TSNARE1: variants seen among roughly 807,000 people sequenced by gnomAD.
The protein encoded by TSNARE1 is t-SNARE domain-containing protein 1.
In TSNARE1, 49 loss-of-function variants were observed where a neutral mutation model predicts 62.0. That is an observed-to-expected ratio of 0.79 (90% confidence interval 0.63 to 1.00). TSNARE1 has a LOEUF of 1.00. Ranked by LOEUF, TSNARE1 falls within the 50% of genes least tolerant of loss-of-function variation. The pLI is 0.00. For synonymous variants in TSNARE1, 328 were observed against 294.4 expected (o/e 1.11, Z -1.17); for missense variants, 755 against 700.1 (o/e 1.08, Z -0.88).
At chr8:142,242,079 T>C (rs79865120) in intron 12 of TSNARE1, among the ~76,000 whole-genome samples, 18 of 36,754 alleles carry the variant, frequency 4.9e-4, no homozygotes, top group African/African-American at 3.4e-3. Context: ...CTCCATCTCA[T>C]GCCGTATACA....
intron 1 of TSNARE1, among the ~76,000 whole-genome samples, chr8:142,402,284 G>C (rs1838350912): frequency 6.6e-6 from 1 of 152,198 alleles, no homozygotes; most frequent in East Asian, 1.9e-4. Context: ...CCTGTGATAA[G>C]CAGTGTTCCC....
At chr8:142,238,876 C>T (rs548037464) in intron 12 of TSNARE1, among the ~76,000 whole-genome samples, 79 of 152,132 alleles carry the variant, frequency 5.2e-4, no homozygotes, top group African/African-American at 1.9e-3. Flanking sequence ...CTCCCAACCT[C>T]AGCTCAGGTG....
chr8:142,240,562 A>G (rs1356266783), intron 12 of TSNARE1, among the ~76,000 whole-genome samples: 1 of 152,226 alleles, frequency 6.6e-6, no homozygotes, highest in Non-Finnish European at 1.5e-5. Flanking sequence ...CTCAGGCACA[A>G]ATGGAACATT....
intron 10 of TSNARE1, among the ~76,000 whole-genome samples, chr8:142,286,076 C>T (rs1441741556): frequency 6.6e-6 from 1 of 152,184 alleles, no homozygotes; most frequent in African/African-American, 2.4e-5. Flanking sequence ...TCCCTGACTG[C>T]CACGCTGCAC....
chr8:142,398,985 G>A (rs1178949236), intron 1 of TSNARE1, among the ~76,000 whole-genome samples: 1 of 152,178 alleles, frequency 6.6e-6, no homozygotes, highest in Non-Finnish European at 1.5e-5. Context: ...GCCTGGATAA[G>A]GCCAGGCAGG....
rs572284965 is a variant in TSNARE1, at chr8:142,353,725, C to T, written c.88+912G>A. Among the ~76,000 whole-genome samples the T allele has an allele frequency of 8.0e-5, 12 of 149,848 alleles. No individual in the cohort carries two copies. The East Asian group carries it at 1.8e-3, about 22-fold the overall frequency. Reference sequence around the variant, plus strand: ...ACAGGCCCCCTGGGGACCAGAGCCCCGGCAAGAGCCAAGCAGAGCTGCAAG... The same window carrying T: ...ACAGGCCCCCTGGGGACCAGAGCCCTGGCAAGAGCCAAGCAGAGCTGCAAG... On this transcript the variant is annotated intron_variant, in intron 2 of 13. Transcript: ENST00000524325.
intron 13 of TSNARE1, among the ~76,000 whole-genome samples, chr8:142,224,547 G>A (rs142094187): frequency 2.2e-4 from 33 of 152,312 alleles, no homozygotes; most frequent in Middle Eastern, 3.4e-3. Flanking sequence ...CCTCCTCACC[G>A]TGGAGACTCA....
At chr8:142,226,739 G>A (rs1816792718) in intron 13 of TSNARE1, among the ~76,000 whole-genome samples, 1 of 152,098 alleles carries the variant, frequency 6.6e-6, no homozygotes, top group African/African-American at 2.4e-5. Flanking sequence ...ACAGAGCCTG[G>A]CAAGACCACA....
intron 1 of TSNARE1, among the ~76,000 whole-genome samples, chr8:142,375,623 G>A (rs150291729): frequency 6.6e-6 from 1 of 152,252 alleles, no homozygotes; most frequent in African/African-American, 2.4e-5. Flanking sequence ...TCACCACAGT[G>A]CACACTGCAT....
chr8:142,288,102 C>T (rs753850760), intron 10 of TSNARE1, among the ~76,000 whole-genome samples: 31 of 152,248 alleles, frequency 2.0e-4, no homozygotes, highest in Admixed American at 6.5e-4. Flanking sequence ...AGCATGGCTC[C>T]GAGCCCCTGC....
At chr8:142,398,515 C>T (rs551968092) in intron 1 of TSNARE1, among the ~76,000 whole-genome samples, 70 of 152,228 alleles carry the variant, frequency 4.6e-4, no homozygotes, top group African/African-American at 1.6e-3. Context: ...CTGTAAGGTG[C>T]CCTCTCCACC....
chr8:142,282,015 G>A (rs553080237), intron 11 of TSNARE1, among the ~76,000 whole-genome samples: 10 of 152,330 alleles, frequency 6.6e-5, no homozygotes, highest in African/African-American at 1.7e-4. Context: ...ACAGCCTGGC[G>A]CTAAGGTAGG....
chr8:142,403,142 C>A lies in TSNARE1; in HGVS notation c.-78G>T, dbSNP rs1838429636. On this transcript the variant is annotated 5_prime_UTR_variant, in exon 1 of 14. Transcript: ENST00000524325. ...GCTCGCGGACCGCTCCGGGCGCTCACGGCGGGCGAGGCGGGCGGGGCGGGC... is the reference window on the plus strand; with the variant it reads ...GCTCGCGGACCGCTCCGGGCGCTCAAGGCGGGCGAGGCGGGCGGGGCGGGC... 1 of 148,468 alleles carries A rather than the reference C, an allele frequency of 6.7e-6. No homozygotes were observed. Among genetic ancestry groups the A allele is most frequent in the African/African-American group, 2.4e-5 (1 of 41,146 alleles). 9.2% of individuals were successfully genotyped at this position (148,468 alleles called of 1,614,324 possible). A position where few individuals can be genotyped will look rare whatever the true frequency, so the allele number is the denominator to read the frequency against.
intron 10 of TSNARE1, among the ~76,000 whole-genome samples, chr8:142,292,327 G>A (rs1023668810): frequency 1.2e-4 from 19 of 152,224 alleles, no homozygotes; most frequent in African/African-American, 3.6e-4. Flanking sequence ...GGCGAGGGCC[G>A]GAGAGGAATG....
intron 13 of TSNARE1, among the ~76,000 whole-genome samples, chr8:142,222,963 C>T (rs1304724574): frequency 6.6e-6 from 1 of 151,650 alleles, no homozygotes; most frequent in African/African-American, 2.4e-5. Context: ...CACTCACTCA[C>T]TCATTCACTC....
intron 1 of TSNARE1, among the ~76,000 whole-genome samples, chr8:142,392,955 A>G (rs911655871): frequency 6.6e-6 from 1 of 152,058 alleles, no homozygotes; most frequent in African/African-American, 2.4e-5. Context: ...AAGAAAAAAA[A>G]AAAAAAAGAA....
intron 10 of TSNARE1, among the ~76,000 whole-genome samples, chr8:142,284,759 C>T (rs772799509): frequency 3.2e-4 from 49 of 152,234 alleles, no homozygotes; most frequent in Non-Finnish European, 5.7e-4. Context: ...AAGCCAAACC[C>T]CAACCTCTCC....
chr8:142,392,737 T>C (rs1837620008), intron 1 of TSNARE1, among the ~76,000 whole-genome samples: 1 of 152,062 alleles, frequency 6.6e-6, no homozygotes, highest in South Asian at 2.1e-4. Context: ...GAGTTTGAGT[T>C]TGAGACCACG....
rs549272299 is a variant in TSNARE1 at position 142,269,854 on chromosome 8, T to A, written c.1446+4927A>T. 2.6e-4 allele frequency: 252 copies of A among 985,426 alleles called. 4 individuals are homozygous for A. In the South Asian group the frequency reaches 0.011, roughly 42 times the overall value. 61.0% of individuals were successfully genotyped at this position (985,426 alleles called of 1,614,324 possible). A position where few individuals can be genotyped will look rare whatever the true frequency, so the allele number is the denominator to read the frequency against. On this transcript the variant is annotated intron_variant, in intron 12 of 13. Coordinates refer to ENST00000524325, the MANE Select transcript of TSNARE1 (RefSeq NM_145003.5). ...GGCGTGCGCAGAAGGCAGCTGGACA[T>A]GTGGCTACACCTCAGGTTCTTTCAT... is the stretch of plus-strand genomic sequence containing the variant.
Sources: gnomAD v4.1 joint callset for allele counts (sites outside exome capture counted in the v4.1 genomes callset) on GRCh38, gnomAD v4.1.1 for gene constraint, MANE v1.5 for transcripts, NCBI Gene and HGNC (gene_info 2026-07-23, HGNC 2026-07-21) for gene names.